Variants in FARS2 observed in about 807,000 individuals in gnomAD.
FARS2 encodes the protein phenylalanine--tRNA ligase, mitochondrial.
A neutral mutation model predicts 46.4 loss-of-function variants in FARS2; 40 were observed. That is an observed-to-expected ratio of 0.86 (90% confidence interval 0.67 to 1.12). FARS2 has a LOEUF of 1.12. FARS2 is among the 50% of genes most tolerant of loss of function. The pLI is 0.00. For synonymous variants in FARS2, 234 were observed against 214.9 expected (o/e 1.09, Z -0.78); for missense variants, 513 against 567.9 (o/e 0.90, Z 0.98).
At chr6:5,457,950 A>T (rs1764996927) in intron 4 of FARS2, 1 of 152,234 alleles carries the variant, frequency 6.6e-6, no homozygotes, top group Admixed American at 6.5e-5. Context: ...AAGCCTCCTG[A>T]AGCTGAATGG....
intron 1 of FARS2, among the ~76,000 whole-genome samples, chr6:5,346,852 T>G (rs1757267620): frequency 6.6e-6 from 1 of 152,138 alleles, no homozygotes; most frequent in Admixed American, 6.5e-5. Flanking sequence ...ATAATTCTTT[T>G]TTTAGAGTAA....
intron 5 of FARS2, among the ~76,000 whole-genome samples, chr6:5,545,647 C>T (rs542296133): frequency 2.6e-5 from 4 of 152,132 alleles, no homozygotes; most frequent in Admixed American, 2.6e-4. Flanking sequence ...GTGTGATGTT[C>T]CCCTCCCTGT....
intron 1 of FARS2, among the ~76,000 whole-genome samples, chr6:5,294,952 C>T (rs72815620): frequency 6.6e-6 from 1 of 152,106 alleles, no homozygotes; most frequent in African/African-American, 2.4e-5. Flanking sequence ...AGGGAACATA[C>T]AGTCAAAGGA....
intron 6 of FARS2, among the ~76,000 whole-genome samples, chr6:5,667,441 C>T (rs1258981532): frequency 6.6e-6 from 1 of 151,716 alleles, no homozygotes; most frequent in Non-Finnish European, 1.5e-5. Context: ...TCGCTTGAAC[C>T]CAGGAGGTGG....
intron 5 of FARS2, chr6:5,610,294 C>A: frequency 2.4e-6 from 1 of 418,998 alleles, no homozygotes. Context: ...AGTTTTGATG[C>A]CCTTTTCAAT....
At chr6:5,620,713 C>T (rs1029755184) in intron 6 of FARS2, among the ~76,000 whole-genome samples, 1 of 152,226 alleles carries the variant, frequency 6.6e-6, no homozygotes, top group African/African-American at 2.4e-5. Context: ...GCAATCAGCA[C>T]CAACTTCAAG....
In FARS2 at chr6:5,271,239, A is replaced by G. The variant is rs1291654086; in HGVS notation, c.-22+9579A>G. On this transcript the variant is annotated intron_variant, in intron 1 of 6. Transcript: ENST00000274680. ...TCTCTCTCGGTTATGGGAAACCATC[A>G]ACAGTTTGGGGGCGCTTGTTTCCAA... Among the ~76,000 whole-genome samples, 3 of 152,150 alleles carry G rather than the reference A, an allele frequency of 2.0e-5. No homozygotes were observed. In the South Asian group the frequency reaches 6.2e-4, roughly 32 times the overall value.
chr6:5,369,078 G>A lies in FARS2; in HGVS notation c.508G>A (p.Ala170Thr), dbSNP rs148309786. ...GGACTTGCTGCACGCGGGACTGGAT[G>A]CCTTCCTGGTGGTGGGTGATGTCTA... is the stretch of plus-strand genomic sequence containing the variant. The part of the protein sequence containing the change: ...QWDLLHAGLD[A>T]FLVVGDVYRR... The change falls in exon 2 of 7, where the codon GCC becomes ACC. Residue 170 changes from alanine (A) to threonine (T), a missense_variant. Coordinates refer to ENST00000274680, the MANE Select transcript of FARS2 (RefSeq NM_006567.5). The A allele has an allele frequency of 6.2e-7, 1 of 1,613,860 alleles. No individual in the cohort carries two copies. The highest frequency in any genetic ancestry group is 1.3e-5 in the African/African-American group (1 of 74,888).
At chr6:5,649,545 T>C (rs1777241641) in intron 6 of FARS2, among the ~76,000 whole-genome samples, 1 of 152,232 alleles carries the variant, frequency 6.6e-6, no homozygotes, top group Non-Finnish European at 1.5e-5. Context: ...TGAAGGATAC[T>C]GTGGTGTTCG....
At chr6:5,378,544 G>C (rs1759537700) in intron 2 of FARS2, among the ~76,000 whole-genome samples, 1 of 152,174 alleles carries the variant, frequency 6.6e-6, no homozygotes, top group South Asian at 2.1e-4. Context: ...TGAGCCCATG[G>C]TTGTCTCTTT....
chr6:5,551,909 C>T (rs1378519651), intron 5 of FARS2, among the ~76,000 whole-genome samples: 1 of 152,286 alleles, frequency 6.6e-6, no homozygotes, highest in Non-Finnish European at 1.5e-5. Flanking sequence ...TACATGGAAC[C>T]CACCAGGATA....
intron 1 of FARS2, among the ~76,000 whole-genome samples, chr6:5,268,569 GT>G (rs1220991361): frequency 6.6e-6 from 1 of 152,178 alleles, no homozygotes; most frequent in African/African-American, 2.4e-5. Flanking sequence ...CTATATCTCT[GT>G]TTTGGTAACA....
intron 1 of FARS2, among the ~76,000 whole-genome samples, chr6:5,275,053 G>A (rs533379860): frequency 2.0e-5 from 3 of 152,184 alleles, no homozygotes; most frequent in East Asian, 1.9e-4. Context: ...GAACTTCCCC[G>A]CTTCAGCCTT....
intron 1 of FARS2, among the ~76,000 whole-genome samples, chr6:5,347,987 G>A (rs573872020): frequency 6.6e-6 from 1 of 152,252 alleles, no homozygotes; most frequent in South Asian, 2.1e-4. Flanking sequence ...CTTCTCTGGT[G>A]AAGTGTTTGT....
chr6:5,636,406 G>T (rs990032085), intron 6 of FARS2, among the ~76,000 whole-genome samples: 2 of 152,196 alleles, frequency 1.3e-5, no homozygotes, highest in Non-Finnish European at 2.9e-5. Flanking sequence ...AGAACTGTGG[G>T]CCCTGGCAGC....
chr6:5,270,627 T>G (rs1320058452), intron 1 of FARS2, among the ~76,000 whole-genome samples: 1 of 152,204 alleles, frequency 6.6e-6, no homozygotes, highest in East Asian at 1.9e-4. Context: ...TCCTTAGATA[T>G]ATATGAATTA....
At chr6:5,712,488 G>C (rs891095922) in intron 6 of FARS2, among the ~76,000 whole-genome samples, 8 of 152,114 alleles carry the variant, frequency 5.3e-5, no homozygotes, top group Non-Finnish European at 1.2e-4. Context: ...CCACCTTTTA[G>C]AACCACCGTT....
chr6:5,657,450 A>G (rs532336154), intron 6 of FARS2, among the ~76,000 whole-genome samples: 10 of 152,214 alleles, frequency 6.6e-5, no homozygotes, highest in Non-Finnish European at 1.2e-4. Flanking sequence ...GCGGGAAATC[A>G]TTGAAATATT....
At position 5,404,527 on chromosome 6, in the gene FARS2, C is replaced by G; in HGVS notation, c.613-15C>G. 4 of 1,549,066 alleles carry G rather than the reference C, an allele frequency of 2.6e-6. No homozygotes were observed. The highest frequency in any genetic ancestry group is 1.3e-5 in the South Asian group (1 of 79,742). ...AGGATATTTTCTTTATTTATACTTT[C>G]CTGTTGGTTTACAGTTATTTGCTGG... is the stretch of plus-strand genomic sequence containing the variant. On this transcript the variant is annotated splice_polypyrimidine_tract_variant and intron_variant, in intron 2 of 6. Transcript: ENST00000274680.
Sources: gnomAD v4.1 joint callset for allele counts (sites outside exome capture counted in the v4.1 genomes callset) on GRCh38, gnomAD v4.1.1 for gene constraint, MANE v1.5 for transcripts, NCBI Gene and HGNC (gene_info 2026-07-23, HGNC 2026-07-21) for gene names.